The following CYFIP1 variants were observed in gnomAD, a reference collection of about 807,000 sequenced individuals.
CYFIP1 encodes the protein cytoplasmic FMR1 interacting protein 1.
CYFIP1 carries 58 observed loss-of-function variants against 163.5 expected under a neutral mutation model. That is an observed-to-expected ratio of 0.35 (90% CI 0.29 to 0.44). CYFIP1 has a LOEUF of 0.44. Among genes scored for constraint, CYFIP1 ranks in the 20% least tolerant of loss-of-function variants. The pLI, the probability that CYFIP1 is intolerant of heterozygous loss-of-function variation, is 1.00. For missense variants in CYFIP1, 1,338 were observed against 1,653.8 expected, an observed-to-expected ratio of 0.81 and a Z score of 3.31; for synonymous variants, 663 against 660.7, an observed-to-expected ratio of 1.00 and a Z score of -0.05.
chr15:22,928,239 T>A (rs929235595), intron 11 of CYFIP1, among the ~76,000 whole-genome samples: 1 of 152,014 alleles, frequency 6.6e-6, no homozygotes, highest in African/African-American at 2.4e-5. Flanking sequence ...AAAAATTAGC[T>A]GGGCATGGTG....
At chr15:22,927,883 C>G (rs774350999) in intron 12 of CYFIP1, 23 bp downstream of exon 12, 9 of 1,584,540 alleles carry the variant, frequency 5.7e-6, no homozygotes, top group Non-Finnish European at 7.7e-6. Context: ...TGGAGCGGGG[C>G]TGGGGTCGGG....
intron 21 of CYFIP1, among the ~76,000 whole-genome samples, chr15:22,907,617 G>A (rs1000450922): frequency 1.1e-4 from 16 of 152,196 alleles, no homozygotes; most frequent in African/African-American, 3.1e-4. Flanking sequence ...CAGTGGAAAC[G>A]GACGTGTGGC....
intron 26 of CYFIP1, among the ~76,000 whole-genome samples, chr15:22,878,952 C>T (rs1374216034): frequency 3.3e-5 from 5 of 151,876 alleles, no homozygotes; most frequent in African/African-American, 7.3e-5. Context: ...CTGGCTAACA[C>T]GGTGAAACCC....
At chr15:22,952,377 AGGACGCG>A (rs2062280978) in intron 1 of CYFIP1, among the ~76,000 whole-genome samples, 2 of 151,994 alleles carry the variant, frequency 1.3e-5, no homozygotes, top group African/African-American at 4.8e-5. Context: ...AAGATGGGGG[AGGACGCG>A]GTGGCTCCAG....
chr15:22,908,449 G>A (rs972968353), intron 21 of CYFIP1, among the ~76,000 whole-genome samples: 3 of 150,914 alleles, frequency 2.0e-5, no homozygotes, highest in Non-Finnish European at 2.9e-5. Flanking sequence ...ACAGCCAAGC[G>A]AAATGTAGGG....
At position 22,870,211 on chromosome 15, in the gene CYFIP1, G is replaced by A. The variant is rs1566905290; in HGVS notation, c.3598-19C>T. On this transcript the variant is annotated intron_variant, in intron 30 of 30. Coordinates refer to ENST00000617928, the MANE Select transcript of CYFIP1 (RefSeq NM_014608.6). The stretch of plus-strand genomic sequence containing the variant: ...TCAAAGGCTACAACCATCAAAGTGA[G>A]GATGTTTTACTATTAACACTTCAAC... 6.3e-7 allele frequency: 1 copy of A among 1,595,684 alleles called. No homozygotes were observed. The highest frequency in any genetic ancestry group is 1.8e-5 in the Admixed American group (1 of 55,488).
intron 1 of CYFIP1, among the ~76,000 whole-genome samples, chr15:22,971,851 C>T (rs2140260734): frequency 6.6e-6 from 1 of 152,128 alleles, no homozygotes; most frequent in Admixed American, 6.5e-5. Context: ...GCCTGGGTAA[C>T]AGCCTAGGTA....
chr15:22,940,231 A>T (rs970948939), intron 6 of CYFIP1, among the ~76,000 whole-genome samples: 1 of 152,170 alleles, frequency 6.6e-6, no homozygotes, highest in Non-Finnish European at 1.5e-5. Flanking sequence ...TTTAAGAGTT[A>T]CCAAGGCAAA....
At chr15:22,928,703 C>T (rs373342067) in intron 11 of CYFIP1, among the ~76,000 whole-genome samples, 6 of 152,136 alleles carry the variant, frequency 3.9e-5, no homozygotes, top group African/African-American at 1.2e-4. Flanking sequence ...GAAGGGGCAC[C>T]GTGGAGAAGG....
intron 15 of CYFIP1, chr15:22,916,889 G>C (rs1218326294): frequency 1.9e-6 from 3 of 1,551,716 alleles, no homozygotes; most frequent in Non-Finnish European, 2.6e-6. Context: ...TACCACCAAA[G>C]GTTAAAAGGG....
chr15:22,910,378 T>C (rs2060743776), intron 20 of CYFIP1, 142 bp downstream of exon 20: 1 of 638,900 alleles, frequency 1.6e-6, no homozygotes, highest in Non-Finnish European at 2.7e-6. Flanking sequence ...GCCAGGCTGG[T>C]CTTGAACTCC....
chr15:22,920,401 A>G (rs1294852170), intron 13 of CYFIP1, among the ~76,000 whole-genome samples: 3 of 152,086 alleles, frequency 2.0e-5, no homozygotes, highest in Non-Finnish European at 4.4e-5. Flanking sequence ...GTGTTTCCCC[A>G]AGGCTTCACA....
intron 1 of CYFIP1, among the ~76,000 whole-genome samples, chr15:22,956,299 C>T (rs946032781): frequency 6.6e-6 from 1 of 152,034 alleles, no homozygotes; most frequent in Admixed American, 6.6e-5. Flanking sequence ...CTCTCGTGCT[C>T]AGCAGGCAGC....
chr15:22,883,312 T>C (rs1265267667), intron 23 of CYFIP1, among the ~76,000 whole-genome samples: 2 of 152,118 alleles, frequency 1.3e-5, no homozygotes, highest in Admixed American at 1.3e-4. Flanking sequence ...ACCCAGAGTT[T>C]CCCCCTGCCT....
At chr15:22,949,917 C>G (rs2062193907) in intron 1 of CYFIP1, among the ~76,000 whole-genome samples, 1 of 151,620 alleles carries the variant, frequency 6.6e-6, no homozygotes, top group African/African-American at 2.4e-5. Flanking sequence ...TCACTTGAGT[C>G]CAGGAGTTCA....
intron 1 of CYFIP1, among the ~76,000 whole-genome samples, chr15:22,954,885 G>A (rs2062390289): frequency 6.6e-6 from 1 of 152,110 alleles, no homozygotes; most frequent in South Asian, 2.1e-4. Flanking sequence ...AGAGTCCCGG[G>A]TCAATCTCTG....
intron 1 of CYFIP1, among the ~76,000 whole-genome samples, chr15:22,975,767 G>A (rs981370456): frequency 2.0e-5 from 3 of 152,246 alleles, no homozygotes; most frequent in African/African-American, 7.2e-5. Context: ...CTCAAAAAAA[G>A]TTACACTCGG....
chr15:22,874,913 T>C (rs1176944065), intron 27 of CYFIP1, among the ~76,000 whole-genome samples: 1 of 152,168 alleles, frequency 6.6e-6, no homozygotes, highest in East Asian at 1.9e-4. Flanking sequence ...GTACCCATCA[T>C]CTGCTATAAT....
rs1404832051 is a variant in CYFIP1, at chr15:22,947,223, G to C, written c.63C>G (p.Pro21=). The change falls in exon 2 of 31, where the codon CCC becomes CCG. Residue 21 remains proline, a synonymous_variant. Transcript: ENST00000617928. Reference sequence around the variant, plus strand: ...CGATGCAGGGCTGCTGGTCGGGCAGGGGCAGCTCCTCCAGGAGGTCCACGT... The same window carrying C: ...CGATGCAGGGCTGCTGGTCGGGCAGCGGCAGCTCCTCCAGGAGGTCCACGT... The part of the protein sequence containing the change: ...LSNVDLLEEL[P]LPDQQPCIEP... The C allele has an allele frequency of 1.2e-5, 19 of 1,613,858 alleles. No individual in the cohort carries two copies. Among genetic ancestry groups the C allele is most frequent in the Non-Finnish European group, 1.6e-5 (19 of 1,179,952 alleles).
Sources: allele counts gnomAD v4.1 joint callset (sites outside exome capture counted in the v4.1 genomes callset), GRCh38; gene constraint gnomAD v4.1.1; transcripts MANE v1.5; gene names NCBI Gene and HGNC (gene_info 2026-07-23, HGNC 2026-07-21).